The following HIVEP3 variants were observed in gnomAD, a reference collection of about 807,000 sequenced individuals.
HIVEP3 encodes the protein HIVEP zinc finger 3.
A neutral mutation model predicts 152.8 loss-of-function variants in HIVEP3; 49 were observed. The ratio of observed to expected loss-of-function variants is 0.32; its 90% CI spans 0.26 to 0.41. The LOEUF (loss-of-function observed/expected upper bound fraction) is 0.41. Ranked by LOEUF, HIVEP3 falls within the 10% of genes least tolerant of loss-of-function variation. The probability of loss-of-function intolerance (pLI) is 1.00; values close to 1 mark genes in which losing one functional copy is unlikely to be tolerated. For missense variants in HIVEP3, 2,790 were observed against 3,103.3 expected, an observed-to-expected ratio of 0.90 and a Z score of 2.40; for synonymous variants, 1,269 against 1,289.0, an observed-to-expected ratio of 0.98 and a Z score of 0.33.
At chr1:41,554,616 C>T (rs1643937162) in intron 5 of HIVEP3, among the ~76,000 whole-genome samples, 1 of 152,204 alleles carries the variant, frequency 6.6e-6, no homozygotes, top group African/African-American at 2.4e-5. Context: ...TTTTCCCCAT[C>T]TTTGTTGTTT....
chr1:41,555,602 A>G (rs1425215198), intron 5 of HIVEP3, among the ~76,000 whole-genome samples: 1 of 152,202 alleles, frequency 6.6e-6, no homozygotes. Context: ...GCTGCAGACC[A>G]CAGCTGTTCC....
In HIVEP3 at chr1:41,510,743, G is replaced by A; in HGVS notation, c.6929C>T (p.Thr2310Ile). 5 of 1,573,572 alleles carry A rather than the reference G, an allele frequency of 3.2e-6. No homozygotes were observed. Among genetic ancestry groups the A allele is most frequent in the African/African-American group, 1.3e-5 (1 of 74,246 alleles). The change falls in exon 9 of 9, where the codon ACC (threonine) becomes ATC (isoleucine). Residue 2310 changes from threonine (T) to isoleucine (I), a missense_variant. Thr to Ile is a moderately conservative substitution (Grantham distance 89, BLOSUM62 -1). Coordinates refer to ENST00000372583, the MANE Select transcript of HIVEP3 (RefSeq NM_024503.5). ...CGGCCGGGGCAAGGTGTCGGGTGGG[G>A]TGCAGGGGCTGTGCGTGGGTGTGGG... ...AEPTPTHSPC[T>I]PPDTLPRPPQ... is the part of the protein sequence containing the mutation.
At chr1:41,526,661 C>T (rs1283368569) in intron 5 of HIVEP3, among the ~76,000 whole-genome samples, 1 of 91,566 alleles carries the variant, frequency 1.1e-5, no homozygotes, top group Non-Finnish European at 2.2e-5. Flanking sequence ...ACTCACACTC[C>T]CCCTCATACC....
At chr1:41,784,765 C>A (rs1011628593) in intron 1 of HIVEP3, among the ~76,000 whole-genome samples, 3 of 152,228 alleles carry the variant, frequency 2.0e-5, no homozygotes, top group African/African-American at 7.2e-5. Context: ...AGTCTTCTTA[C>A]AACCACATCT....
At chr1:41,765,273 C>A (rs1647939691) in intron 1 of HIVEP3, among the ~76,000 whole-genome samples, 1 of 152,184 alleles carries the variant, frequency 6.6e-6, no homozygotes, top group African/African-American at 2.4e-5. Flanking sequence ...TATTTATAAA[C>A]CCCTGTTCCC....
At chr1:41,545,609 CACCACCACT>C (rs2149076471) in intron 5 of HIVEP3, among the ~76,000 whole-genome samples, 1 of 139,882 alleles carries the variant, frequency 7.1e-6, no homozygotes, top group African/African-American at 2.7e-5. Context: ...CCACCACCAT[CACCACCACT>C]ACCATCACCA....
intron 1 of HIVEP3, among the ~76,000 whole-genome samples, chr1:41,718,616 GT>G (rs1293671847): frequency 6.6e-6 from 1 of 152,188 alleles, no homozygotes; most frequent in African/African-American, 2.4e-5. Flanking sequence ...GCCCAGGCGT[GT>G]CAGCTGATGG....
At chr1:41,534,021 C>T (rs1643334836) in intron 5 of HIVEP3, among the ~76,000 whole-genome samples, 1 of 152,122 alleles carries the variant, frequency 6.6e-6, no homozygotes, top group African/African-American at 2.4e-5. Context: ...GGCTCCATTT[C>T]CTTCATGCTC....
chr1:41,747,647 C>A (rs749942359), intron 1 of HIVEP3, among the ~76,000 whole-genome samples: 6 of 152,180 alleles, frequency 3.9e-5, no homozygotes, highest in Non-Finnish European at 5.9e-5. Context: ...ATCAGCTATA[C>A]TACTTTTTTC....
At chr1:41,893,122 C>CAAAAAA (rs59214004) in intron 1 of HIVEP3, among the ~76,000 whole-genome samples, 1 of 76,832 alleles carries the variant, frequency 1.3e-5, no homozygotes, top group Non-Finnish European at 2.8e-5. Context: ...GATCTCGTCT[C>CAAAAAA]AAAAAAAAAA....
chr1:41,726,453 A>T (rs1646753730), intron 1 of HIVEP3, among the ~76,000 whole-genome samples: 1 of 152,230 alleles, frequency 6.6e-6, no homozygotes, highest in Non-Finnish European at 1.5e-5. Context: ...ATAAACAGCC[A>T]TGGCAGTGGG....
intron 8 of HIVEP3, among the ~76,000 whole-genome samples, chr1:41,512,045 G>T (rs1239633224): frequency 3.3e-5 from 5 of 152,156 alleles, no homozygotes; most frequent in Non-Finnish European, 7.3e-5. Flanking sequence ...TGGTTAAGTT[G>T]TGCCATCTGC....
rs192296877 is a variant in HIVEP3, at chr1:41,518,851, T to C, written c.5384-363A>G. 2.4e-4 allele frequency among the ~76,000 whole-genome samples: 36 copies of C among 150,832 alleles called. No homozygotes were observed. In the East Asian group the frequency reaches 6.0e-3, roughly 25 times the overall value. On this transcript the variant is annotated intron_variant, in intron 6 of 8. Coordinates refer to ENST00000372583, the MANE Select transcript of HIVEP3 (RefSeq NM_024503.5). ...TTTTTTTTTGCTTCTGATTTAAGTC[T>C]GGCCCTAGTAGCTGGTGACACTCAT... is the stretch of plus-strand genomic sequence containing the variant.
rs1643066342 is a variant in HIVEP3 at position 41,528,102 on chromosome 1, ACCC to A, written c.5208-3195_5208-3193del. 3.4e-5 allele frequency among the ~76,000 whole-genome samples: 3 copies of A among 88,378 alleles called. No individual in the cohort carries two copies. The South Asian group carries it at 1.2e-3, about 37-fold the overall frequency. 58.0% of individuals were successfully genotyped at this position (88,378 alleles called of 152,430 possible). On this transcript the variant is annotated intron_variant, in intron 5 of 8. Transcript: ENST00000372583. ...CTTGCCCTCACACCTTCACACTCACACCCCACCCTCACACCCTTACCCTCACCT... is the reference window on the plus strand; with the variant it reads ...CTTGCCCTCACACCTTCACACTCACACACCCTCACACCCTTACCCTCACCT...
At chr1:41,544,844 TACCACCACCACCACCACCACCACC>T (rs1309800542) in intron 5 of HIVEP3, among the ~76,000 whole-genome samples, 1 of 11,816 alleles carries the variant, frequency 8.5e-5, no homozygotes. Context: ...CCACCACCAC[TACCACCACCACCACCACCACCACC>T]ACCACCACTA....
At chr1:41,766,948 C>T (rs1212388541) in intron 1 of HIVEP3, among the ~76,000 whole-genome samples, 9 of 152,206 alleles carry the variant, frequency 5.9e-5, no homozygotes, top group Admixed American at 5.9e-4. Flanking sequence ...AAAGACTCCC[C>T]AAAATTGTCC....
chr1:41,617,484 CT>C (rs1464128424), intron 3 of HIVEP3, among the ~76,000 whole-genome samples: 1 of 152,204 alleles, frequency 6.6e-6, no homozygotes, highest in African/African-American at 2.4e-5. Context: ...CTCAAGTATT[CT>C]GTTACCCAGT....
intron 1 of HIVEP3, among the ~76,000 whole-genome samples, chr1:41,830,952 G>A (rs1276665171): frequency 6.6e-6 from 1 of 152,192 alleles, no homozygotes; most frequent in Non-Finnish European, 1.5e-5. Context: ...TCTCAGAGAT[G>A]ACTTCTCTGG....
At chr1:41,871,930 T>A (rs783427) in intron 1 of HIVEP3, among the ~76,000 whole-genome samples, 1 of 152,084 alleles carries the variant, frequency 6.6e-6, no homozygotes, top group Admixed American at 6.5e-5. Context: ...ACTTTTATTT[T>A]ATATGTTAGT....
Sources: allele counts gnomAD v4.1 joint callset (sites outside exome capture counted in the v4.1 genomes callset), GRCh38; gene constraint gnomAD v4.1.1; transcripts MANE v1.5; gene names NCBI Gene and HGNC (gene_info 2026-07-23, HGNC 2026-07-21).